The following MEIS2 variants were observed in gnomAD, a reference collection of about 807,000 sequenced individuals.
MEIS2 encodes homeobox protein Meis2.
Under a neutral mutation model 58.6 loss-of-function variants are expected in MEIS2, and 9 were observed. That is an observed-to-expected ratio of 0.15 (90% confidence interval 0.09 to 0.27). The LOEUF is 0.27. Among genes scored for constraint, MEIS2 ranks in the 10% least tolerant of loss-of-function variants. The pLI is 1.00. For synonymous variants in MEIS2, 221 were observed against 228.4 expected, an observed-to-expected ratio of 0.97 and a Z score of 0.29; for missense variants, 427 against 635.0, an observed-to-expected ratio of 0.67 and a Z score of 3.52.
Position 37,025,123 on chromosome 15 carries a change from T to C in MEIS2, c.900+11691A>G, listed in dbSNP as rs370853938. ...GCAAAAGAAACAAGTGCAATACTTG[T>C]CTTTGAAGAGTGTGTCACTCACATC... is the stretch of plus-strand genomic sequence containing the variant. On this transcript the variant is annotated intron_variant, in intron 8 of 11. Coordinates refer to ENST00000561208, the MANE Select transcript of MEIS2 (RefSeq NM_170675.5). Among the ~76,000 whole-genome samples the C allele has an allele frequency of 7.2e-5, 11 of 152,350 alleles. No homozygotes were observed. The South Asian group carries it at 2.3e-3, about 32-fold the overall frequency.
intron 8 of MEIS2, among the ~76,000 whole-genome samples, chr15:37,032,001 G>A (rs1193586241): frequency 6.6e-6 from 1 of 151,926 alleles, no homozygotes; most frequent in Admixed American, 6.6e-5. Context: ...CACCACACCC[G>A]GCTAAATTTT....
rs530033323 is a variant in MEIS2 at position 37,098,255 on chromosome 15, G to C, written c.13-56C>G. The C allele has an allele frequency of 1.6e-4, 235 of 1,490,294 alleles. 1 individual carries two copies. The highest frequency in any genetic ancestry group is 1.1e-3 in the Middle Eastern group (6 of 5,412). 92.3% of individuals were successfully genotyped at this position (1,490,294 alleles called of 1,614,324 possible). The stretch of plus-strand genomic sequence containing the variant: ...CAGGAGGTGAGGGAGAACAGAGGAG[G>C]GGGGTGGAAAGGGAAAAAGAGCAGG... On this transcript the variant is annotated intron_variant, in intron 1 of 11. Transcript: ENST00000561208.
At chr15:36,918,414 T>C (rs2057367380) in intron 9 of MEIS2, among the ~76,000 whole-genome samples, 2 of 66,028 alleles carry the variant, frequency 3.0e-5, no homozygotes, top group African/African-American at 7.4e-5. Flanking sequence ...GAAGATGCAA[T>C]GTGAAGTCCA....
At chr15:36,930,949 C>G (rs1595749168) in intron 9 of MEIS2, among the ~76,000 whole-genome samples, 1 of 152,200 alleles carries the variant, frequency 6.6e-6, no homozygotes, top group South Asian at 2.1e-4. Flanking sequence ...GCCTGAGTTA[C>G]CTGCCTGGCA....
chr15:36,920,227 G>A (rs1031134945), intron 9 of MEIS2, among the ~76,000 whole-genome samples: 1 of 151,836 alleles, frequency 6.6e-6, no homozygotes, highest in African/African-American at 2.4e-5. Flanking sequence ...TTGGCTCACC[G>A]CAACCTCCAC....
chr15:37,029,288 T>C (rs943749115), intron 8 of MEIS2, among the ~76,000 whole-genome samples: 8 of 152,212 alleles, frequency 5.3e-5, no homozygotes, highest in African/African-American at 1.9e-4. Context: ...CTTGCATGCA[T>C]GTGAACATTT....
intron 7 of MEIS2, among the ~76,000 whole-genome samples, chr15:37,075,592 G>A (rs963159341): frequency 5.3e-5 from 8 of 152,056 alleles, no homozygotes; most frequent in Non-Finnish European, 1.0e-4. Flanking sequence ...AGAAAAATCT[G>A]TGGATTTTGT....
chr15:37,031,421 A>ATGTGTGTGTGTGTGTGTGTG (rs60605081), intron 8 of MEIS2, among the ~76,000 whole-genome samples: 90 of 146,948 alleles, frequency 6.1e-4, no homozygotes, highest in African/African-American at 1.6e-3. Flanking sequence ...TCCCTTGCAT[A>ATGTGTGTGTGTGTGTGTGTG]TGTGTGTGTG....
chr15:37,088,030 A>G (rs1893092669), intron 6 of MEIS2, among the ~76,000 whole-genome samples: 1 of 152,220 alleles, frequency 6.6e-6, no homozygotes, highest in African/African-American at 2.4e-5. Flanking sequence ...AAGGCAATGC[A>G]GTGGACATGG....
At chr15:36,907,722 T>C (rs1423659554) in intron 9 of MEIS2, among the ~76,000 whole-genome samples, 1 of 152,186 alleles carries the variant, frequency 6.6e-6, no homozygotes, top group Admixed American at 6.5e-5. Context: ...AAGGGAACCA[T>C]AAGTGAGAAA....
At chr15:37,043,474 A>G (rs989570051) in intron 7 of MEIS2, among the ~76,000 whole-genome samples, 2 of 152,198 alleles carry the variant, frequency 1.3e-5, no homozygotes, top group Non-Finnish European at 2.9e-5. Context: ...TATGTGTTAT[A>G]TGCTATTTTA....
At chr15:36,931,570 C>T (rs1325343348) in intron 9 of MEIS2, among the ~76,000 whole-genome samples, 1 of 152,184 alleles carries the variant, frequency 6.6e-6, no homozygotes, top group Non-Finnish European at 1.5e-5. Context: ...TTTTGTAAGG[C>T]CCTGTGACAT....
intron 8 of MEIS2, among the ~76,000 whole-genome samples, chr15:37,018,888 G>A (rs1462836772): frequency 2.6e-5 from 4 of 152,082 alleles, no homozygotes; most frequent in Non-Finnish European, 5.9e-5. Flanking sequence ...GAGTGCTGTG[G>A]CCCCATCGCT....
intron 8 of MEIS2, among the ~76,000 whole-genome samples, chr15:36,954,322 AT>A (rs1229029153): frequency 6.6e-6 from 1 of 151,408 alleles, no homozygotes; most frequent in East Asian, 1.9e-4. Flanking sequence ...ATCTGGAAAA[AT>A]ATACACTGAA....
At chr15:36,907,113 T>C (rs2056779590) in intron 9 of MEIS2, among the ~76,000 whole-genome samples, 1 of 152,214 alleles carries the variant, frequency 6.6e-6, no homozygotes. Context: ...GGAAAATCTA[T>C]ATAAAAGACT....
chr15:37,037,458 G>A (rs984897582), intron 7 of MEIS2, among the ~76,000 whole-genome samples: 3 of 151,570 alleles, frequency 2.0e-5, no homozygotes, highest in Non-Finnish European at 2.9e-5. Context: ...ACGCACATTC[G>A]CACACTTCTC....
At chr15:37,029,611 G>A (rs1158933160) in intron 8 of MEIS2, among the ~76,000 whole-genome samples, 1 of 152,086 alleles carries the variant, frequency 6.6e-6, no homozygotes, top group African/African-American at 2.4e-5. Context: ...CTAACCCTTG[G>A]TGATACATAA....
chr15:36,987,479 G>A (rs2060132467), intron 8 of MEIS2, among the ~76,000 whole-genome samples: 1 of 151,638 alleles, frequency 6.6e-6, no homozygotes, highest in Non-Finnish European at 1.5e-5. Flanking sequence ...TTTACCTGCA[G>A]CAAGCCCTTC....
chr15:37,036,058 T>C (rs1386157291), intron 8 of MEIS2, among the ~76,000 whole-genome samples: 1 of 151,626 alleles, frequency 6.6e-6, no homozygotes, highest in Non-Finnish European at 1.5e-5. Flanking sequence ...TCTGTAAAAA[T>C]ATATTGTAAT....
Sources: gnomAD v4.1 joint callset for allele counts (sites outside exome capture counted in the v4.1 genomes callset) on GRCh38, gnomAD v4.1.1 for gene constraint, MANE v1.5 for transcripts, NCBI Gene and HGNC (gene_info 2026-07-23, HGNC 2026-07-21) for gene names.